Variants in SYNDIG1 observed in about 807,000 individuals in gnomAD.
SYNDIG1 encodes the protein synapse differentiation-inducing gene protein 1.
Under a neutral mutation model 19.4 loss-of-function variants are expected in SYNDIG1, and 9 were observed. That is an observed-to-expected ratio of 0.46 (90% CI 0.28 to 0.81). The LOEUF (loss-of-function observed/expected upper bound fraction) is 0.81. SYNDIG1 is among the 30% of genes least tolerant of loss of function. The probability of loss-of-function intolerance (pLI) is 0.12; values close to 1 mark genes in which losing one functional copy is unlikely to be tolerated. For synonymous variants in SYNDIG1, 141 were observed against 145.9 expected, an observed-to-expected ratio of 0.97 and a Z score of 0.24; for missense variants, 311 against 343.3, an observed-to-expected ratio of 0.91 and a Z score of 0.74.
chr20:24,642,667 T>A (rs1157936678), intron 3 of SYNDIG1, among the ~76,000 whole-genome samples: 1 of 152,196 alleles, frequency 6.6e-6, no homozygotes, highest in Non-Finnish European at 1.5e-5. Flanking sequence ...TGGGAGCTCT[T>A]TCAGATTGGT....
At chr20:24,564,722 G>A (rs2058009715) in intron 2 of SYNDIG1, among the ~76,000 whole-genome samples, 2 of 152,210 alleles carry the variant, frequency 1.3e-5, no homozygotes, top group Non-Finnish European at 2.9e-5. Context: ...GGAAGAAGCA[G>A]CAGCAGAAAG....
At chr20:24,595,747 A>G (rs138947535) in intron 3 of SYNDIG1, among the ~76,000 whole-genome samples, 3,771 of 152,168 alleles carry the variant, frequency 0.025, 66 homozygotes, top group Middle Eastern at 0.041. Flanking sequence ...CAATGTATCC[A>G]TTTCTTCTAG....
chr20:24,606,647 G>A (rs757204713), intron 3 of SYNDIG1, among the ~76,000 whole-genome samples: 7 of 152,180 alleles, frequency 4.6e-5, no homozygotes, highest in South Asian at 2.1e-4. Context: ...TAATCCTTAC[G>A]GTATGGGTTT....
intron 3 of SYNDIG1, among the ~76,000 whole-genome samples, chr20:24,638,814 C>T (rs2059342889): frequency 6.6e-6 from 1 of 152,246 alleles, no homozygotes; most frequent in East Asian, 1.9e-4. Context: ...CTGTGCATGA[C>T]TCAGCTTGGG....
intron 1 of SYNDIG1, among the ~76,000 whole-genome samples, chr20:24,530,680 G>A (rs1568615477): frequency 6.6e-6 from 1 of 152,122 alleles, no homozygotes; most frequent in Non-Finnish European, 1.5e-5. Context: ...CCCTCCTAAT[G>A]CCTTGACAAA....
intron 3 of SYNDIG1, among the ~76,000 whole-genome samples, chr20:24,656,113 C>CGGTGCT (rs1347930025): frequency 6.6e-6 from 1 of 152,154 alleles, no homozygotes; most frequent in Non-Finnish European, 1.5e-5. Context: ...GGGGGTTATA[C>CGGTGCT]GGTGCTGTTC....
At chr20:24,607,567 T>G (rs1023313415) in intron 3 of SYNDIG1, among the ~76,000 whole-genome samples, 3 of 116,462 alleles carry the variant, frequency 2.6e-5, no homozygotes, top group African/African-American at 6.9e-5. Flanking sequence ...CTGTGACTTT[T>G]TCTCCTCAAG....
chr20:24,505,771 A>G (rs1017459421), intron 1 of SYNDIG1, among the ~76,000 whole-genome samples: 3 of 152,202 alleles, frequency 2.0e-5, no homozygotes, highest in Non-Finnish European at 2.9e-5. Flanking sequence ...AAATCCGAAT[A>G]TAGAAAGTGG....
chr20:24,584,740 C>A, intron 2 of SYNDIG1, 116 bp from the exon 3 acceptor site: 1 of 1,419,782 alleles, frequency 7.0e-7, no homozygotes, highest in Non-Finnish European at 9.7e-7. Context: ...GCAACTGCAG[C>A]TGCCTCCCGG....
intron 1 of SYNDIG1, among the ~76,000 whole-genome samples, chr20:24,477,607 C>T (rs1441464442): frequency 6.6e-6 from 1 of 152,190 alleles, no homozygotes; most frequent in Non-Finnish European, 1.5e-5. Flanking sequence ...ATTGCCCTGC[C>T]TCTCCATCAT....
chr20:24,520,409 G>A (rs2056979353), intron 1 of SYNDIG1, among the ~76,000 whole-genome samples: 1 of 152,018 alleles, frequency 6.6e-6, no homozygotes, highest in Admixed American at 6.6e-5. Context: ...ATTCCAGTAA[G>A]TTCAGGCCAG....
rs2057516220 is a variant in SYNDIG1 at position 24,543,705 on chromosome 20, G to T, written c.480+128G>T. 3 of 1,333,066 alleles carry T rather than the reference G, an allele frequency of 2.3e-6. No homozygotes were observed. The Admixed American group carries it at 6.4e-5, about 28-fold the overall frequency. The allele number at this position is 1,333,066 out of a possible 1,614,324, so 82.6% of individuals were successfully genotyped here. The stretch of plus-strand genomic sequence containing the variant: ...GTGTGCAAAAATGCAGAAACCAAAG[G>T]CAGTCTTGGTGCCCTTCACTCTTGA... On this transcript the variant is annotated intron_variant, in intron 2 of 3. Coordinates refer to ENST00000376862, the MANE Select transcript of SYNDIG1 (RefSeq NM_024893.3).
intron 1 of SYNDIG1, among the ~76,000 whole-genome samples, chr20:24,473,692 G>A (rs1177121893): frequency 1.3e-5 from 2 of 152,104 alleles, no homozygotes; most frequent in East Asian, 3.9e-4. Flanking sequence ...GGCCTTTCCC[G>A]AGTGCCATGA....
intron 2 of SYNDIG1, among the ~76,000 whole-genome samples, chr20:24,553,485 G>A (rs1600604481): frequency 6.6e-6 from 1 of 152,292 alleles, no homozygotes; most frequent in Admixed American, 6.5e-5. Context: ...ATTAATTTTT[G>A]TATAAGGTGT....
chr20:24,542,107 C>G (rs1266003610), intron 1 of SYNDIG1, among the ~76,000 whole-genome samples: 1 of 152,058 alleles, frequency 6.6e-6, no homozygotes, highest in African/African-American at 2.4e-5. Flanking sequence ...AAATAAAATT[C>G]CACTAATTTT....
chr20:24,661,688 G>A (rs1365675169), intron 3 of SYNDIG1, among the ~76,000 whole-genome samples: 2 of 151,964 alleles, frequency 1.3e-5, no homozygotes, highest in East Asian at 3.9e-4. Flanking sequence ...GATAAACCAG[G>A]GACCTCAGGT....
At chr20:24,651,895 G>A (rs548644065) in intron 3 of SYNDIG1, among the ~76,000 whole-genome samples, 2 of 152,346 alleles carry the variant, frequency 1.3e-5, no homozygotes, top group African/African-American at 4.8e-5. Flanking sequence ...TGCTGGAGAG[G>A]CCAAGGCACC....
chr20:24,581,395 A>C (rs1459108469), intron 2 of SYNDIG1, among the ~76,000 whole-genome samples: 1 of 152,144 alleles, frequency 6.6e-6, no homozygotes, highest in African/African-American at 2.4e-5. Flanking sequence ...GTCGGGATCC[A>C]TGGCTGCCGT....
At chr20:24,586,865 G>A (rs1194519291) in intron 3 of SYNDIG1, among the ~76,000 whole-genome samples, 3 of 152,222 alleles carry the variant, frequency 2.0e-5, no homozygotes, top group Non-Finnish European at 4.4e-5. Context: ...TGCTCCGTGT[G>A]TTCAGATTGA....
Sources: gnomAD v4.1 joint callset for allele counts (sites outside exome capture counted in the v4.1 genomes callset) on GRCh38, gnomAD v4.1.1 for gene constraint, MANE v1.5 for transcripts, NCBI Gene and HGNC (gene_info 2026-07-23, HGNC 2026-07-21) for gene names.